TTN: variants seen among roughly 807,000 people sequenced by gnomAD.
The protein encoded by TTN is titin.
Under a neutral mutation model 3,223.0 loss-of-function variants are expected in TTN, and 1,525 were observed. The observed-to-expected ratio is 0.47, with a 90% CI of 0.45 to 0.49. TTN has a LOEUF of 0.49. Ranked by LOEUF, TTN falls within the 20% of genes least tolerant of loss-of-function variation. TTN has a pLI of 0.00. For synonymous variants in TTN, 14,094 were observed against 15,161.0 expected, an observed-to-expected ratio of 0.93 and a Z score of 5.17; for missense variants, 40,786 against 43,424.0, an observed-to-expected ratio of 0.94 and a Z score of 5.40.
At position 178,717,969 on chromosome 2, in the gene TTN, G is replaced by A. The variant is rs747055472; in HGVS notation, c.25037C>T (p.Ala8346Val). ...TTTGATAACAAGCACAGCTGAAGAA[G>A]CGACTGCCCCCACACTGTTGTCTGC... ...CKADNSVGAVASSAVLVIKAR... is the reference protein window; with the variant it reads ...CKADNSVGAVVSSAVLVIKAR... Residue 8346 changes from alanine to valine, a missense_variant, in exon 86 of 363, where the codon GCT becomes GTT. Ala to Val is a moderately conservative substitution (Grantham distance 64, BLOSUM62 0). Coordinates refer to ENST00000589042, the MANE Select transcript of TTN (RefSeq NM_001267550.2). The A allele has an allele frequency of 6.2e-7, 1 of 1,612,700 alleles. No individual in the cohort carries two copies. The highest frequency in any genetic ancestry group is 2.2e-5 in the East Asian group (1 of 44,848).
Position 178,670,218 on chromosome 2 carries a change from C to G in TTN, c.35386G>C (p.Ala11796Pro). Residue 11796 changes from alanine (A) to proline (P), a missense_variant and splice_region_variant, in exon 157 of 363, where the codon GCA (alanine) becomes CCA (proline). Transcript: ENST00000589042. Reference protein sequence around the residue: ...PEEPRVPPTKAPEVPKKIVPE... With the variant: ...PEEPRVPPTKPPEVPKKIVPE... ...ATGATGAATGAGAAAAGCCAGTTAC[C>G]TTTAGTTGGTGGAACTCTGGGCTCT... 3 of 1,461,658 alleles carry G rather than the reference C, an allele frequency of 2.1e-6. No individual in the cohort carries two copies. Among genetic ancestry groups the G allele is most frequent in the Middle Eastern group, 1.8e-4 (1 of 5,524 alleles). The allele number at this position is 1,461,658 out of a possible 1,614,324, so 90.5% of individuals were successfully genotyped here.
intron 242 of TTN, 34 bp from the exon 243 acceptor site, chr2:178,622,801 G>T: frequency 6.6e-7 from 1 of 1,518,842 alleles, no homozygotes; most frequent in East Asian, 2.4e-5. Context: ...TCAAAATGAG[G>T]TTTCTGGAAA....
At position 178,616,520 on chromosome 2, in the gene TTN, C is replaced by G. The variant is rs369143612; in HGVS notation, c.48271G>C (p.Val16091Leu). The G allele has an allele frequency of 6.2e-7, 1 of 1,612,232 alleles. No homozygotes were observed. The highest frequency in any genetic ancestry group is 1.3e-5 in the African/African-American group (1 of 74,766). The change falls in exon 257 of 363, where the codon GTT (valine) becomes CTT (leucine). Residue 16091 changes from valine to leucine, a missense_variant. Val to Leu is a conservative substitution (Grantham distance 32, BLOSUM62 1). Coordinates refer to ENST00000589042, the MANE Select transcript of TTN (RefSeq NM_001267550.2). ...CGGCTGACTTCTCGTTTTTCAACAA[C>G]GTATCCAGTTAACGGACTTCCTCCA... ...DDGGSPLTGY[V>L]VEKREVSRKT... is the part of the protein sequence containing the mutation.
At chr2:178,766,030 C>T (rs2090334873) in intron 41 of TTN, among the ~76,000 whole-genome samples, 1 of 152,102 alleles carries the variant, frequency 6.6e-6, no homozygotes, top group Non-Finnish European at 1.5e-5. Flanking sequence ...GGTAGTGCTG[C>T]TAGGACTTGA....
At position 178,753,140 on chromosome 2, in the gene TTN, A is replaced by G; in HGVS notation, c.11295T>C (p.Ile3765=). The G allele has an allele frequency of 1.9e-6, 3 of 1,609,544 alleles. No homozygotes were observed. Among genetic ancestry groups the G allele is most frequent in the Non-Finnish European group, 2.5e-6 (3 of 1,177,368 alleles). ...SILHERIEQE[I]EMEMKEFSSS... Reference sequence around the variant, plus strand: ...TAACAATACCTTTCATTTCCATCTCAATCTCTTGTTCAATCCTCTCATGCA... The same window carrying G: ...TAACAATACCTTTCATTTCCATCTCGATCTCTTGTTCAATCCTCTCATGCA... Residue 3765 remains isoleucine, a synonymous_variant, in exon 47 of 363, where the codon ATT becomes ATC. Coordinates refer to ENST00000589042, the MANE Select transcript of TTN (RefSeq NM_001267550.2).
At position 178,593,322 on chromosome 2, in the gene TTN, G is replaced by C. The variant is rs1417896313; in HGVS notation, c.58886C>G (p.Thr19629Ser). 2 of 1,613,316 alleles carry C rather than the reference G, an allele frequency of 1.2e-6. No individual in the cohort carries two copies. Among genetic ancestry groups the C allele is most frequent in the Non-Finnish European group, 1.7e-6 (2 of 1,179,544 alleles). The change falls in exon 299 of 363, where the codon ACC (threonine) becomes AGC (serine). Residue 19629 changes from threonine to serine, a missense_variant. Physicochemically the swap from Thr to Ser is moderately conservative, Grantham distance 58 (BLOSUM62 1). Coordinates refer to ENST00000589042, the MANE Select transcript of TTN (RefSeq NM_001267550.2). ...ETMSKRWARV[T>S]KDPIHPYTKF... is the part of the protein sequence containing the mutation. ...AGTGTATGGATGAATAGGATCTTTG[G>C]TAACTCTAGCCCATCGTTTAGACAT...
chr2:178,551,285 T>G (rs997079451), intron 335 of TTN, 25 bp from the exon 336 acceptor site: 1 of 1,593,196 alleles, frequency 6.3e-7, no homozygotes, highest in African/African-American at 1.3e-5. Context: ...GGAAGGTAAA[T>G]GCATCATTAC....
intron 147 of TTN, among the ~76,000 whole-genome samples, chr2:178,676,513 T>C (rs1195857952): frequency 1.3e-5 from 2 of 151,906 alleles, no homozygotes; most frequent in African/African-American, 4.8e-5. Context: ...ATGAGCTGAT[T>C]GAATATGTTA....
chr2:178,669,286 T>C, intron 159 of TTN, 87 bp downstream of exon 159: 1 of 1,090,132 alleles, frequency 9.2e-7, no homozygotes, highest in Non-Finnish European at 1.3e-6. Flanking sequence ...GTTTAGTATA[T>C]TTACTTTTCA....
At position 178,528,348 on chromosome 2, in the gene TTN, T is replaced by A; in HGVS notation, c.107303A>T (p.Asp35768Val). 6.2e-7 allele frequency: 1 copy of A among 1,613,986 alleles called. No homozygotes were observed. The highest frequency in any genetic ancestry group is 8.5e-7 in the Non-Finnish European group (1 of 1,179,856). ...GGCCTTAATTGTGTACTTTCCACTG[T>A]CGCTGACTGATGCATTTCGGATTTC... ...SLEIRNASVS[D>V]SGKYTIKAKN... Residue 35768 changes from aspartate (D) to valine (V), a missense_variant, in exon 361 of 363, where the codon GAC (aspartate) becomes GTC (valine). Physicochemically the swap from Asp to Val is radical, Grantham distance 152. Coordinates refer to ENST00000589042, the MANE Select transcript of TTN (RefSeq NM_001267550.2).
In TTN at chr2:178,701,391, T is replaced by C. The variant is rs2074966755; in HGVS notation, c.30598+137A>G. 3 of 1,037,550 alleles carry C rather than the reference T, an allele frequency of 2.9e-6. No homozygotes were observed. In the Admixed American group the frequency reaches 8.6e-5, roughly 30 times the overall value. 64.3% of individuals were successfully genotyped at this position (1,037,550 alleles called of 1,614,324 possible). On this transcript the variant is annotated intron_variant, in intron 110 of 362. Coordinates refer to ENST00000589042, the MANE Select transcript of TTN (RefSeq NM_001267550.2). ...TTTTTTTTTTACTTTAATTTCTAAT[T>C]GCTCACTGAAGAATATGACATGGAA...
In TTN at chr2:178,569,165, T is replaced by C. The variant is rs755172663; in HGVS notation, c.76967A>G (p.His25656Arg). The stretch of plus-strand genomic sequence containing the variant: ...CTGATCGATTTTCCAAGAATTCTTA[T>C]GGCAGTTAGTTACAACAGCAGCATA... ...KSYAAVVTNC[H>R]KNSWKIDQLQ... The change falls in exon 326 of 363, where the codon CAT (histidine) becomes CGT (arginine). Residue 25656 changes from histidine to arginine, a missense_variant. Transcript: ENST00000589042. 8 of 1,613,176 alleles carry C rather than the reference T, an allele frequency of 5.0e-6. No homozygotes were observed. Among genetic ancestry groups the C allele is most frequent in the East Asian group, 4.5e-5 (2 of 44,868 alleles).
Position 178,579,085 on chromosome 2 carries a change from C to T in TTN, c.67945G>A (p.Gly22649Arg), listed in dbSNP as rs774620164. 1 of 1,613,334 alleles carries T rather than the reference C, an allele frequency of 6.2e-7. No individual in the cohort carries two copies. The highest frequency in any genetic ancestry group is 2.2e-5 in the East Asian group (1 of 44,722). ...GTGACTTCATCAAATTTGATTGGTC[C>T]AGTGGGGATGCCAGGCTTGCCAACA... ...KVVGKPGIPTGPIKFDEVTAE... is the reference protein window; with the variant it reads ...KVVGKPGIPTRPIKFDEVTAE... The change falls in exon 320 of 363, where the codon GGA (glycine) becomes AGA (arginine). Residue 22649 changes from glycine (G) to arginine (R), a missense_variant. Transcript: ENST00000589042.
chr2:178,568,538 C>T lies in TTN; in HGVS notation c.77594G>A (p.Gly25865Asp), dbSNP rs756930121. The T allele has an allele frequency of 1.2e-6, 2 of 1,613,486 alleles. No homozygotes were observed. The highest frequency in any genetic ancestry group is 1.1e-5 in the South Asian group (1 of 91,066). The change falls in exon 326 of 363, where the codon GGT (glycine) becomes GAT (aspartate). Residue 25865 changes from glycine to aspartate, a missense_variant. Coordinates refer to ENST00000589042, the MANE Select transcript of TTN (RefSeq NM_001267550.2). The part of the protein sequence containing the change: ...LSIKETHKDD[G>D]GQYGITVANV... Reference sequence around the variant, plus strand: ...GGCAACTGTGATTCCATATTGTCCACCATCATCCTTATGAGTTTCTTTAAT... The same window carrying T: ...GGCAACTGTGATTCCATATTGTCCATCATCATCCTTATGAGTTTCTTTAAT...
rs539338428 is a variant in TTN at position 178,651,960 on chromosome 2, C to T, written c.39303G>A (p.Glu13101=). 6.2e-7 allele frequency: 1 copy of T among 1,610,518 alleles called. No individual in the cohort carries two copies. The highest frequency in any genetic ancestry group is 1.3e-5 in the African/African-American group (1 of 74,916). The change falls in exon 205 of 363, where the codon GAG becomes GAA. Residue 13101 remains glutamate, a synonymous_variant. Coordinates refer to ENST00000589042, the MANE Select transcript of TTN (RefSeq NM_001267550.2). ...KPESPPPEVF[E]EPEEVALEEP... is the part of the protein sequence containing the mutation. Reference sequence around the variant, plus strand: ...CTTCTAGGGCAACTTCCTCAGGCTCCTCGAACACTTTAAAGACATGAGCTC... The same window carrying T: ...CTTCTAGGGCAACTTCCTCAGGCTCTTCGAACACTTTAAAGACATGAGCTC...
rs200726948 is a variant in TTN, at chr2:178,588,055, G to A, written c.63352C>T (p.Arg21118Trp). ...ADASPDEGWK[R>W]CNAAAQLVRK... ...ACAAGCTGTGCTGCAGCATTACACCGTTTCCAGCCTTCATCAGGAGACGCA... is the reference window on the plus strand; with the variant it reads ...ACAAGCTGTGCTGCAGCATTACACCATTTCCAGCCTTCATCAGGAGACGCA... Residue 21118 changes from arginine to tryptophan, a missense_variant, in exon 305 of 363, where the codon CGG becomes TGG. Arg to Trp is a moderately radical substitution (Grantham distance 101). Transcript: ENST00000589042. 1.7e-4 allele frequency: 276 copies of A among 1,612,808 alleles called. 1 individual carries two copies. Among genetic ancestry groups the A allele is most frequent in the East Asian group, 1.3e-3 (58 of 44,686 alleles).
At chr2:178,685,065 CT>C (rs1442732679) in intron 129 of TTN, 76 bp from the exon 130 acceptor site, 1 of 1,319,462 alleles carries the variant, frequency 7.6e-7, no homozygotes, top group African/African-American at 1.5e-5. Flanking sequence ...TTAGCATTCA[CT>C]TTTTGAAAAG....
At chr2:178,556,649 C>G (rs1701638646) in intron 330 of TTN, 199 bp downstream of exon 330, 2 of 612,942 alleles carry the variant, frequency 3.3e-6, no homozygotes, top group Non-Finnish European at 5.6e-6. Flanking sequence ...GTCTAAATCT[C>G]TCACTTTACA....
chr2:178,563,289 C>G lies in TTN; in HGVS notation c.82843G>C (p.Asp27615His). 2 of 1,613,636 alleles carry G rather than the reference C, an allele frequency of 1.2e-6. No individual in the cohort carries two copies. The highest frequency in any genetic ancestry group is 2.2e-5 in the South Asian group (2 of 91,078). The change falls in exon 326 of 363, where the codon GAT becomes CAT. Residue 27615 changes from aspartate to histidine, a missense_variant. Asp to His is a moderately conservative substitution (Grantham distance 81). Transcript: ENST00000589042. This position sits in a 1 kb window ranked among gnomAD's most constrained non-coding sequence, Gnocchi z 4.5. ...YVVEVKEAAA[D>H]EWTTCTPPTG... ...GGTGGAGTGCAGGTTGTCCATTCAT[C>G]CGCAGCAGCTTCTTTGACCTCTACA...
Sources: gnomAD v4.1 joint callset for allele counts (sites outside exome capture counted in the v4.1 genomes callset) on GRCh38, gnomAD v4.1.1 for gene constraint, Gnocchi (gnomAD v3.1) non-coding constraint, MANE v1.5 for transcripts, NCBI Gene and HGNC (gene_info 2026-07-23, HGNC 2026-07-21) for gene names.